The following FHAD1 variants were observed in gnomAD, a reference collection of about 807,000 sequenced individuals.
FHAD1 encodes forkhead associated phosphopeptide binding domain 1, also known as forkhead-associated domain-containing protein 1.
FHAD1 carries 146 observed loss-of-function variants against 191.3 expected under a neutral mutation model. That is an observed-to-expected ratio of 0.76 (90% CI 0.67 to 0.88). The LOEUF is 0.88. Among genes scored for constraint, FHAD1 ranks in the 40% least tolerant of loss-of-function variants. FHAD1 has a pLI of 0.00. For synonymous variants in FHAD1, 616 were observed against 672.3 expected (o/e 0.92, Z 1.29); for missense variants, 1,635 against 1,785.8 (o/e 0.92, Z 1.52).
intron 16 of FHAD1, among the ~76,000 whole-genome samples, chr1:15,342,299 G>C (rs929896579): frequency 1.3e-4 from 20 of 152,148 alleles, no homozygotes; most frequent in Non-Finnish European, 1.5e-4. Flanking sequence ...GGTCAAAATT[G>C]CTACTGACTT....
chr1:15,367,638 G>T lies in FHAD1; in HGVS notation c.3314+16G>T. 1.4e-6 allele frequency: 2 copies of T among 1,442,626 alleles called. No individual in the cohort carries two copies. The allele number at this position is 1,442,626 out of a possible 1,614,324, so 89.4% of individuals were successfully genotyped here. On this transcript the variant is annotated intron_variant, in intron 25 of 33. Transcript: ENST00000688493. ...AGGCACTCAGGTTGGGTGGGCGGGG[G>T]CCGGGTTGGGGGGATGGTTTGCCTG...
chr1:15,323,830 T>A (rs751997942), intron 10 of FHAD1, among the ~76,000 whole-genome samples: 2 of 152,214 alleles, frequency 1.3e-5, no homozygotes, highest in African/African-American at 4.8e-5. Flanking sequence ...TTTTGCAGGC[T>A]ACAATTCTTT....
At chr1:15,295,029 G>T (rs151050050) in intron 4 of FHAD1, among the ~76,000 whole-genome samples, 8 of 152,220 alleles carry the variant, frequency 5.3e-5, no homozygotes, top group African/African-American at 1.9e-4. Context: ...ATGGAATAAT[G>T]ATGAGATTGT....
intron 31 of FHAD1, among the ~76,000 whole-genome samples, chr1:15,382,951 C>A (rs908234616): frequency 6.6e-6 from 1 of 152,184 alleles, no homozygotes; most frequent in Non-Finnish European, 1.5e-5. Context: ...CTTGAGAAAC[C>A]GAGATTCCAG....
At position 15,371,484 on chromosome 1, in the gene FHAD1, GAGAA is replaced by G. The variant is rs568237262; in HGVS notation, c.3447+1987_3447+1990del. On this transcript the variant is annotated intron_variant, in intron 26 of 33. Coordinates refer to ENST00000688493, the MANE Select transcript of FHAD1 (RefSeq NM_001391957.1). ...GGGTCAGAGGGCTTAAGAGTTGTAT[GAGAA>G]AGAATCTCATCCTCTCCAAATAAAT... Among the ~76,000 whole-genome samples the G allele has an allele frequency of 3.6e-3, 549 of 152,320 alleles. 2 individuals carry two copies. The highest frequency in any genetic ancestry group is 4.8e-3 in the Non-Finnish European group (327 of 68,034).
intron 3 of FHAD1, among the ~76,000 whole-genome samples, chr1:15,288,596 T>C (rs1663331556): frequency 6.6e-6 from 1 of 152,234 alleles, no homozygotes; most frequent in Non-Finnish European, 1.5e-5. Context: ...AGTGATTGGC[T>C]TGTTCTGTTA....
In FHAD1 at chr1:15,318,224, T is replaced by G. The variant is rs1181022730; in HGVS notation, c.1365+296T>G. Among the ~76,000 whole-genome samples the G allele has an allele frequency of 1.3e-5, 2 of 152,190 alleles. No homozygotes were observed. The highest frequency in any genetic ancestry group is 4.8e-5 in the African/African-American group (2 of 41,446). On this transcript the variant is annotated intron_variant, in intron 10 of 33. Transcript: ENST00000688493. This position sits in a 1 kb window ranked among gnomAD's most constrained non-coding sequence, Gnocchi z 4.1. ...CCACCTCTGGCCTCCCAATCCCAGT[T>G]TTGAGTTTCGTGTTGCTTAATTATT...
intron 10 of FHAD1, among the ~76,000 whole-genome samples, 197 bp from the exon 11 acceptor site, chr1:15,324,255 C>T (rs1677421095): frequency 6.6e-6 from 1 of 152,060 alleles, no homozygotes; most frequent in Non-Finnish European, 1.5e-5. Context: ...GGGTGCAGAG[C>T]CCAGCCCTTT....
intron 14 of FHAD1, among the ~76,000 whole-genome samples, chr1:15,331,502 G>T (rs1558135601): frequency 7.0e-6 from 1 of 143,602 alleles, no homozygotes; most frequent in Non-Finnish European, 1.5e-5. Flanking sequence ...ATGGATGGAT[G>T]GATGGATGGA....
At position 15,350,035 on chromosome 1, in the gene FHAD1, A is replaced by G. The variant is rs142959203; in HGVS notation, c.2454+886A>G. On this transcript the variant is annotated intron_variant, in intron 19 of 33. Transcript: ENST00000688493. ...CTTCGGGGACAGAGGTGGCACAGAC[A>G]CACACGTGCCAGCCCCCACAGAACT... is the stretch of plus-strand genomic sequence containing the variant. 8.8e-3 allele frequency among the ~76,000 whole-genome samples: 1,335 copies of G among 152,350 alleles called. 7 individuals carry two copies. Among genetic ancestry groups the G allele is most frequent in the Non-Finnish European group, 0.011 (721 of 68,022 alleles).
chr1:15,291,149 A>G lies in FHAD1; in HGVS notation c.568+1483A>G, dbSNP rs374974039. On this transcript the variant is annotated intron_variant, in intron 4 of 33. Coordinates refer to ENST00000688493, the MANE Select transcript of FHAD1 (RefSeq NM_001391957.1). ...TTTTCTTGAGACAGAGTCTCACTCT[A>G]TTGCCCAAGCTGGAGTTCACCTTCT... 1.0e-4 allele frequency among the ~76,000 whole-genome samples: 13 copies of G among 125,944 alleles called. No individual in the cohort carries two copies. In the East Asian group the frequency reaches 1.8e-3, roughly 17 times the overall value. 82.6% of individuals were successfully genotyped at this position (125,944 alleles called of 152,430 possible).
intron 11 of FHAD1, chr1:15,326,534 C>T (rs1678659227): frequency 6.6e-6 from 1 of 152,364 alleles, no homozygotes; most frequent in African/African-American, 2.4e-5. Flanking sequence ...GTCTCCTCTA[C>T]ACCAGGCACC....
Position 15,329,611 on chromosome 1 carries a change from G to A in FHAD1, c.1906+70G>A, listed in dbSNP as rs1182393449. On this transcript the variant is annotated intron_variant, in intron 14 of 33. Coordinates refer to ENST00000688493, the MANE Select transcript of FHAD1 (RefSeq NM_001391957.1). This position sits in a 1 kb window ranked among gnomAD's most constrained non-coding sequence, Gnocchi z 5.0. ...GTCGCGTTGAATCTCAGCATGATGGGACATCTGTTGAGGAAGTCTTCCTGG... is the reference window on the plus strand; with the variant it reads ...GTCGCGTTGAATCTCAGCATGATGGAACATCTGTTGAGGAAGTCTTCCTGG... 1 of 1,401,546 alleles carries A rather than the reference G, an allele frequency of 7.1e-7. No homozygotes were observed. The allele number at this position is 1,401,546 out of a possible 1,614,324, so 86.8% of individuals were successfully genotyped here.
At chr1:15,333,526 T>C (rs1682615034) in intron 14 of FHAD1, among the ~76,000 whole-genome samples, 1 of 152,160 alleles carries the variant, frequency 6.6e-6, no homozygotes, top group South Asian at 2.1e-4. Context: ...TTTTCCTCAT[T>C]TTAGAAATGA....
rs550642170 is a variant in FHAD1 at position 15,321,775 on chromosome 1, G to A, written c.1366-2677G>A. Among the ~76,000 whole-genome samples, 6 of 152,350 alleles carry A rather than the reference G, an allele frequency of 3.9e-5. No individual in the cohort carries two copies. In the East Asian group the frequency reaches 1.2e-3, roughly 29 times the overall value. ...TGTGCAAGCACGTGTGTGCATATGT[G>A]TGATTGTGCATGTTTGCATGCACAT... On this transcript the variant is annotated intron_variant, in intron 10 of 33. Coordinates refer to ENST00000688493, the MANE Select transcript of FHAD1 (RefSeq NM_001391957.1).
At chr1:15,277,263 T>C (rs536172582) in intron 3 of FHAD1, among the ~76,000 whole-genome samples, 21 of 152,332 alleles carry the variant, frequency 1.4e-4, no homozygotes, top group African/African-American at 4.6e-4. Flanking sequence ...AGTGCCCATA[T>C]GCCTGGCTAC....
At chr1:15,361,078 A>G (rs534702251) in intron 22 of FHAD1, among the ~76,000 whole-genome samples, 1 of 152,270 alleles carries the variant, frequency 6.6e-6, no homozygotes, top group East Asian at 1.9e-4. Context: ...CATCTTCACT[A>G]ATGCACTCAT....
At chr1:15,291,609 A>G (rs1279791909) in intron 4 of FHAD1, among the ~76,000 whole-genome samples, 1 of 152,180 alleles carries the variant, frequency 6.6e-6, no homozygotes, top group Non-Finnish European at 1.5e-5. Context: ...ACCCTAACAT[A>G]TAGCACCCTA....
Position 15,397,424 on chromosome 1 carries a change from TC to T in FHAD1, c.*14del. ...AGTGGAAAGTACTAGAGAAACCTCG[TC>T]CCACCAGGCCTCATGTGATCCTCTG... is the stretch of plus-strand genomic sequence containing the variant. On this transcript the variant is annotated 3_prime_UTR_variant, in exon 34 of 34. Coordinates refer to ENST00000688493, the MANE Select transcript of FHAD1 (RefSeq NM_001391957.1). 1.4e-6 allele frequency: 2 copies of T among 1,407,568 alleles called. No homozygotes were observed. Among genetic ancestry groups the T allele is most frequent in the Non-Finnish European group, 1.9e-6 (2 of 1,027,728 alleles). The allele number at this position is 1,407,568 out of a possible 1,614,324, so 87.2% of individuals were successfully genotyped here. A position where few individuals can be genotyped will look rare whatever the true frequency, so the allele number is the denominator to read the frequency against.
Sources: gnomAD v4.1 joint callset for allele counts (sites outside exome capture counted in the v4.1 genomes callset) on GRCh38, gnomAD v4.1.1 for gene constraint, Gnocchi (gnomAD v3.1) non-coding constraint, MANE v1.5 for transcripts, NCBI Gene and HGNC (gene_info 2026-07-23, HGNC 2026-07-21) for gene names.